FARP1: variants seen among roughly 807,000 people sequenced by gnomAD.
FARP1 encodes the protein FERM, ARH/RhoGEF and pleckstrin domain protein 1, also known as FERM, ARHGEF and pleckstrin domain-containing protein 1.
Under a neutral mutation model 128.8 loss-of-function variants are expected in FARP1, and 52 were observed. The observed-to-expected ratio is 0.40, with a 90% CI of 0.32 to 0.51. FARP1 has a LOEUF of 0.51. FARP1 is among the 20% of genes least tolerant of loss of function. FARP1 has a pLI of 0.45. For missense variants in FARP1, 1,333 were observed against 1,367.9 expected (o/e 0.97, Z 0.40); for synonymous variants, 580 against 551.8 (o/e 1.05, Z -0.72).
chr13:98,418,284 T>G (rs533725503), intron 16 of FARP1, among the ~76,000 whole-genome samples: 21 of 150,712 alleles, frequency 1.4e-4, no homozygotes, highest in African/African-American at 4.9e-4. Context: ...TGTTTTTTGT[T>G]TTTTTTTTGA....
At position 98,379,013 on chromosome 13, in the gene FARP1, A is replaced by T. The variant is rs1257811136; in HGVS notation, c.496+1095A>T. On this transcript the variant is annotated intron_variant, in intron 6 of 26. Coordinates refer to ENST00000319562, the MANE Select transcript of FARP1 (RefSeq NM_005766.4). The stretch of plus-strand genomic sequence containing the variant: ...ATATATATAATATATACAATATATA[A>T]TCTATATATAATATATATAATATAT... Among the ~76,000 whole-genome samples, 2 of 88,302 alleles carry T rather than the reference A, an allele frequency of 2.3e-5. 1 individual carries two copies. The highest frequency in any genetic ancestry group is 5.6e-4 in the East Asian group (2 of 3,564). 57.9% of individuals were successfully genotyped at this position (88,302 alleles called of 152,430 possible).
At chr13:98,301,019 C>T (rs1466050075) in intron 2 of FARP1, among the ~76,000 whole-genome samples, 1 of 152,166 alleles carries the variant, frequency 6.6e-6, no homozygotes, top group Non-Finnish European at 1.5e-5. Context: ...GGCCATTGCG[C>T]CATCCAGGGG....
chr13:98,283,066 A>T (rs925203694), intron 2 of FARP1, among the ~76,000 whole-genome samples: 1 of 152,162 alleles, frequency 6.6e-6, no homozygotes, highest in Non-Finnish European at 1.5e-5. Context: ...GTTATTATGC[A>T]TTTCTCTGTA....
At position 98,416,231 on chromosome 13, in the gene FARP1, A is replaced by G. The variant is rs564106618; in HGVS notation, c.1826+4197A>G. 3.3e-5 allele frequency among the ~76,000 whole-genome samples: 5 copies of G among 152,336 alleles called. No homozygotes were observed. In the East Asian group the frequency reaches 7.7e-4, roughly 24 times the overall value. On this transcript the variant is annotated intron_variant, in intron 16 of 26. Coordinates refer to ENST00000319562, the MANE Select transcript of FARP1 (RefSeq NM_005766.4). ...AAAGTCCAGATTTTATTCCATGGTA[A>G]TATTTTCAATGATTATCATTAATGG... is the stretch of plus-strand genomic sequence containing the variant.
chr13:98,414,372 A>G (rs531576153), intron 16 of FARP1, among the ~76,000 whole-genome samples: 91 of 152,302 alleles, frequency 6.0e-4, no homozygotes, highest in African/African-American at 2.0e-3. Flanking sequence ...GACACTGGTC[A>G]GGGATCATTG....
chr13:98,395,776 A>G (rs546745779), intron 13 of FARP1: 1 of 414,074 alleles, frequency 2.4e-6, no homozygotes, highest in Non-Finnish European at 4.3e-6. Flanking sequence ...CACCTTTGAT[A>G]TGAGCGGGAG....
chr13:98,149,619 T>G (rs906818823), intron 1 of FARP1, among the ~76,000 whole-genome samples: 4 of 131,682 alleles, frequency 3.0e-5, no homozygotes, highest in Admixed American at 2.6e-4. Flanking sequence ...CCAGTGGCTA[T>G]GTAGTGATAT....
intron 3 of FARP1, among the ~76,000 whole-genome samples, chr13:98,361,160 G>A (rs630905): frequency 0.06 from 9,056 of 152,114 alleles, 655 homozygotes; most frequent in African/African-American, 0.17. Context: ...TAAGTCCAGC[G>A]TGCCCCAGAC....
chr13:98,327,279 T>G (rs1404809321), intron 2 of FARP1, among the ~76,000 whole-genome samples: 2 of 152,240 alleles, frequency 1.3e-5, no homozygotes, highest in African/African-American at 4.8e-5. Context: ...TCACTAAATT[T>G]AGTTTATAAT....
intron 3 of FARP1, among the ~76,000 whole-genome samples, chr13:98,359,744 C>T (rs1025318003): frequency 6.6e-5 from 10 of 152,236 alleles, no homozygotes; most frequent in African/African-American, 2.4e-4. Context: ...AGCCTGACAG[C>T]AGTAGGCTGT....
chr13:98,358,972 C>CT (rs1163078836), intron 3 of FARP1, among the ~76,000 whole-genome samples: 1 of 152,138 alleles, frequency 6.6e-6, no homozygotes, highest in Non-Finnish European at 1.5e-5. Context: ...TGCAGAAAGA[C>CT]TAATTTGTTG....
intron 16 of FARP1, among the ~76,000 whole-genome samples, chr13:98,419,160 T>C (rs1891496924): frequency 6.6e-6 from 1 of 152,186 alleles, no homozygotes; most frequent in Non-Finnish European, 1.5e-5. Context: ...ATATCACATG[T>C]GGCTGATACA....
rs576033703 is a variant in FARP1 at position 98,441,194 on chromosome 13, G to T, written c.2796+358G>T. Reference sequence around the variant, plus strand: ...GGGCACAGCTGCTGGACAGTTCCATGGCTGTCATGTCCTGAACCGCCCCAC... The same window carrying T: ...GGGCACAGCTGCTGGACAGTTCCATTGCTGTCATGTCCTGAACCGCCCCAC... On this transcript the variant is annotated intron_variant, in intron 24 of 26. Coordinates refer to ENST00000319562, the MANE Select transcript of FARP1 (RefSeq NM_005766.4). 1.9e-3 allele frequency among the ~76,000 whole-genome samples: 283 copies of T among 152,314 alleles called. 3 individuals are homozygous for T. The highest frequency in any genetic ancestry group is 6.5e-3 in the African/African-American group (269 of 41,568).
chr13:98,176,637 C>CTTG lies in FARP1; in HGVS notation c.-24+33147_-24+33149dup, dbSNP rs1355370615. On this transcript the variant is annotated intron_variant, in intron 1 of 26. Coordinates refer to ENST00000319562, the MANE Select transcript of FARP1 (RefSeq NM_005766.4). The surrounding 1 kb of genome is among the most constrained non-coding windows in gnomAD (Gnocchi z 6.2). ...CCCCGAAGCCACAGAAGCCAGTCTC[C>CTTG]TTGTAGTCCTTGCAGATGTCAGGCT... The CTTG allele has an allele frequency of 3.7e-6, 6 of 1,614,220 alleles. No individual in the cohort carries two copies. The highest frequency in any genetic ancestry group is 5.1e-6 in the Non-Finnish European group (6 of 1,180,052).
intron 2 of FARP1, among the ~76,000 whole-genome samples, chr13:98,271,206 AC>A (rs1379648558): frequency 6.6e-6 from 1 of 152,134 alleles, no homozygotes; most frequent in Admixed American, 6.5e-5. Flanking sequence ...TTGAGAAACA[AC>A]TCAACAAATT....
chr13:98,448,156 G>GGGCATCGC lies in FARP1; in HGVS notation c.3057-80_3057-79insGGCATCGC, dbSNP rs1288540373. On this transcript the variant is annotated intron_variant, in intron 26 of 26. Coordinates refer to ENST00000319562, the MANE Select transcript of FARP1 (RefSeq NM_005766.4). ...ACCAGGCGGCCTGACTTCACCTTGT[G>GGGCATCGC]TTTCTGTAAGCGATGCCCACCAAAG... is the stretch of plus-strand genomic sequence containing the variant. 493 of 1,241,758 alleles carry GGGCATCGC rather than the reference G, an allele frequency of 4.0e-4. 1 individual carries two copies. In the African/African-American group the frequency reaches 4.7e-3, roughly 12 times the overall value. 76.9% of individuals were successfully genotyped at this position (1,241,758 alleles called of 1,614,324 possible).
chr13:98,282,589 G>A (rs1236893987), intron 2 of FARP1, among the ~76,000 whole-genome samples: 1 of 152,100 alleles, frequency 6.6e-6, no homozygotes, highest in African/African-American at 2.4e-5. Context: ...TCTATCAGAG[G>A]ATTAAAAGAT....
chr13:98,364,048 G>C (rs1355722509), intron 3 of FARP1, among the ~76,000 whole-genome samples: 1 of 152,126 alleles, frequency 6.6e-6, no homozygotes, highest in Non-Finnish European at 1.5e-5. Context: ...CCTGTCTTTC[G>C]ATTTTTAATG....
intron 2 of FARP1, among the ~76,000 whole-genome samples, chr13:98,310,195 C>G (rs1594385645): frequency 6.6e-6 from 1 of 152,150 alleles, no homozygotes. Context: ...CCTCCCCTTC[C>G]CGACGGCAGC....
Sources: gnomAD v4.1 joint callset for allele counts (sites outside exome capture counted in the v4.1 genomes callset) on GRCh38, gnomAD v4.1.1 for gene constraint, Gnocchi (gnomAD v3.1) non-coding constraint, MANE v1.5 for transcripts, NCBI Gene and HGNC (gene_info 2026-07-23, HGNC 2026-07-21) for gene names.